FBLN1: variants seen among roughly 807,000 people sequenced by gnomAD.
The protein encoded by FBLN1 is fibulin 1.
Under a neutral mutation model 89.7 loss-of-function variants are expected in FBLN1, and 34 were observed. That is an observed-to-expected ratio of 0.38 (90% CI 0.29 to 0.50). FBLN1 has a LOEUF of 0.50. FBLN1 is among the 20% of genes least tolerant of loss of function. The pLI is 0.92. For missense variants in FBLN1, 777 were observed against 988.1 expected (o/e 0.79, Z 2.86); for synonymous variants, 393 against 391.3 (o/e 1.00, Z -0.05).
chr22:45,513,769 C>G (rs2088133120), intron 1 of FBLN1, among the ~76,000 whole-genome samples: 1 of 152,052 alleles, frequency 6.6e-6, no homozygotes, highest in Non-Finnish European at 1.5e-5. Context: ...GCCTTACTGG[C>G]CTTTCTTTTC....
At position 45,578,960 on chromosome 22, in the gene FBLN1, A is replaced by G. The variant is rs1178556866; in HGVS notation, c.1972+1852A>G. Among the ~76,000 whole-genome samples, 2 of 152,234 alleles carry G rather than the reference A, an allele frequency of 1.3e-5. No individual in the cohort carries two copies. Among genetic ancestry groups the G allele is most frequent in the Non-Finnish European group, 2.9e-5 (2 of 68,038 alleles). On this transcript the variant is annotated intron_variant, in intron 16 of 16. Transcript: ENST00000327858. This position sits in a 1 kb window ranked among gnomAD's most constrained non-coding sequence, Gnocchi z 4.6. ...CAGCAGCAGGGAGAAGCCACCCCGT[A>G]TCAGATCATCAAAATATGATGCCGA...
intron 10 of FBLN1, 97 bp downstream of exon 10, chr22:45,542,380 C>A: frequency 6.7e-7 from 1 of 1,498,926 alleles, no homozygotes; most frequent in Non-Finnish European, 9.2e-7. Flanking sequence ...TGATCCTCAT[C>A]TCAGATAATC....
intron 11 of FBLN1, 85 bp from the exon 12 acceptor site, chr22:45,547,000 G>T: frequency 1.2e-6 from 2 of 1,602,034 alleles, no homozygotes; most frequent in Admixed American, 3.3e-5. Context: ...GTGGAGAGGA[G>T]ATTTTCTGTT....
Position 45,576,946 on chromosome 22 carries a change from C to T in FBLN1, c.1841-31C>T. 3 of 1,612,638 alleles carry T rather than the reference C, an allele frequency of 1.9e-6. No homozygotes were observed. The highest frequency in any genetic ancestry group is 2.5e-6 in the Non-Finnish European group (3 of 1,179,962). ...GGACTGGGGCTGGGGCCAGGCTGTG[C>T]TGAGCCCTTCTCCATTCTGTGCCTC... On this transcript the variant is annotated intron_variant, in intron 15 of 16. Coordinates refer to ENST00000327858, the MANE Select transcript of FBLN1 (RefSeq NM_006486.3). This position sits in a 1 kb window ranked among gnomAD's most constrained non-coding sequence, Gnocchi z 5.2.
intron 16 of FBLN1, among the ~76,000 whole-genome samples, chr22:45,584,565 C>G (rs895074506): frequency 2.0e-5 from 3 of 152,176 alleles, no homozygotes; most frequent in Admixed American, 2.0e-4. Context: ...CTGTCTGAGC[C>G]TCAGCTTTCT....
intron 14 of FBLN1, among the ~76,000 whole-genome samples, chr22:45,551,964 C>A (rs979520668): frequency 6.6e-6 from 1 of 152,256 alleles, no homozygotes; most frequent in Non-Finnish European, 1.5e-5. Context: ...GGGGCCCTGG[C>A]GCCTCCTAAG....
In FBLN1 at chr22:45,507,615, C is replaced by T. The variant is rs1395740987; in HGVS notation, c.79+4551C>T. Among the ~76,000 whole-genome samples, 3 of 151,338 alleles carry T rather than the reference C, an allele frequency of 2.0e-5. No individual in the cohort carries two copies. In the East Asian group the frequency reaches 5.8e-4, roughly 29 times the overall value. ...TGATCTCGGCTCACTGTAACCTCCA[C>T]CTCCTGTATTCAAACCATTCTCCTG... is the stretch of plus-strand genomic sequence containing the variant. On this transcript the variant is annotated intron_variant, in intron 1 of 16. Coordinates refer to ENST00000327858, the MANE Select transcript of FBLN1 (RefSeq NM_006486.3).
At chr22:45,565,064 G>A in intron 14 of FBLN1, 2 of 1,604,782 alleles carry the variant, frequency 1.2e-6, no homozygotes, top group East Asian at 4.5e-5. Flanking sequence ...TGCCACGGGA[G>A]CATGAGCCCT....
In FBLN1 at chr22:45,531,603, T is replaced by C. The variant is rs1281869419; in HGVS notation, c.544+279T>C. 6.6e-6 allele frequency among the ~76,000 whole-genome samples: 1 copy of C among 152,232 alleles called. No homozygotes were observed. The highest frequency in any genetic ancestry group is 1.5e-5 in the Non-Finnish European group (1 of 68,038). On this transcript the variant is annotated intron_variant, in intron 5 of 16. Transcript: ENST00000327858. The surrounding 1 kb of genome is among the most constrained non-coding windows in gnomAD (Gnocchi z 4.9). Reference sequence around the variant, plus strand: ...CTGGAAGTTGGAATCCAGGTTTTGCTTTGGTTTACCCTGCAAAGTACCCTT... The same window carrying C: ...CTGGAAGTTGGAATCCAGGTTTTGCCTTGGTTTACCCTGCAAAGTACCCTT...
chr22:45,512,858 AG>A (rs767001514), intron 1 of FBLN1, among the ~76,000 whole-genome samples: 1 of 152,154 alleles, frequency 6.6e-6, no homozygotes, highest in Non-Finnish European at 1.5e-5. Context: ...CCTGGGCTCA[AG>A]CGATCCTCCC....
intron 16 of FBLN1, among the ~76,000 whole-genome samples, chr22:45,592,525 G>A (rs185282001): frequency 2.4e-4 from 37 of 152,156 alleles, no homozygotes; most frequent in African/African-American, 8.4e-4. Context: ...ACAGGGTTTC[G>A]ACATGTTGGC....
intron 16 of FBLN1, among the ~76,000 whole-genome samples, chr22:45,599,127 C>T (rs1183320615): frequency 6.6e-6 from 1 of 152,200 alleles, no homozygotes; most frequent in East Asian, 1.9e-4. Context: ...CCTGGGGTTG[C>T]TCCTCTTCTA....
chr22:45,575,940 A>T lies in FBLN1; in HGVS notation c.1841-1037A>T, dbSNP rs2088993306. Among the ~76,000 whole-genome samples, 1 of 152,104 alleles carries T rather than the reference A, an allele frequency of 6.6e-6. No individual in the cohort carries two copies. The highest frequency in any genetic ancestry group is 2.4e-5 in the African/African-American group (1 of 41,416). On this transcript the variant is annotated intron_variant, in intron 15 of 16. Coordinates refer to ENST00000327858, the MANE Select transcript of FBLN1 (RefSeq NM_006486.3). This position sits in a 1 kb window ranked among gnomAD's most constrained non-coding sequence, Gnocchi z 6.3. ...AGCCCCTCTGTGTCAGGCTCTAGGG[A>T]CATGGTGATAAGAAGGGGTCCTCCC...
At chr22:45,599,164 G>T (rs1432272282) in intron 16 of FBLN1, among the ~76,000 whole-genome samples, 1 of 152,196 alleles carries the variant, frequency 6.6e-6, no homozygotes, top group Non-Finnish European at 1.5e-5. Context: ...CTTTGTCTGT[G>T]CCCTGTCCTC....
intron 14 of FBLN1, chr22:45,565,392 C>A: frequency 2.4e-6 from 2 of 825,770 alleles, no homozygotes; most frequent in Non-Finnish European, 3.3e-6. Flanking sequence ...GGAGGCTTGC[C>A]CTTCCCTGAA....
chr22:45,567,023 G>A (rs1168157712), intron 14 of FBLN1, among the ~76,000 whole-genome samples: 1 of 152,208 alleles, frequency 6.6e-6, no homozygotes, highest in Non-Finnish European at 1.5e-5. Context: ...ATTCCACAGT[G>A]AGGACAGGGA....
intron 1 of FBLN1, among the ~76,000 whole-genome samples, chr22:45,514,501 T>C (rs2283658): frequency 0.3 from 44,870 of 152,076 alleles, 7,293 homozygotes; most frequent in East Asian, 0.55. Flanking sequence ...AGCTCATCCC[T>C]GGCTTTTGCC....
intron 1 of FBLN1, among the ~76,000 whole-genome samples, chr22:45,513,354 GA>G (rs2088126752): frequency 1.3e-5 from 2 of 149,838 alleles, no homozygotes; most frequent in African/African-American, 2.5e-5. Flanking sequence ...ACCCAGGCTG[GA>G]ATGCAGTGGC....
At position 45,548,698 on chromosome 22, in the gene FBLN1, C is replaced by T; in HGVS notation, c.1527C>T (p.Cys509=). The change falls in exon 13 of 17, where the codon TGC becomes TGT. Residue 509 remains cysteine, a synonymous_variant. Transcript: ENST00000327858. ...INIPGSFQCS[C]PSSGYRLAPN... ...TCCCTGGAAGCTTCCAGTGCAGCTG[C>T]CCCTCGTCTGGCTACAGGCTGGCCC... is the stretch of plus-strand genomic sequence containing the variant. The T allele has an allele frequency of 1.9e-6, 3 of 1,613,830 alleles. No individual in the cohort carries two copies. The highest frequency in any genetic ancestry group is 2.5e-6 in the Non-Finnish European group (3 of 1,180,026).
Sources: gnomAD v4.1 joint callset for allele counts (sites outside exome capture counted in the v4.1 genomes callset) on GRCh38, gnomAD v4.1.1 for gene constraint, Gnocchi (gnomAD v3.1) non-coding constraint, MANE v1.5 for transcripts, NCBI Gene and HGNC (gene_info 2026-07-23, HGNC 2026-07-21) for gene names.